Variants in VAV1 observed in about 807,000 individuals in gnomAD.
VAV1 encodes the protein proto-oncogene vav.
A neutral mutation model predicts 128.1 loss-of-function variants in VAV1; 33 were observed. The observed-to-expected ratio is 0.26, with a 90% CI of 0.20 to 0.34. The LOEUF (loss-of-function observed/expected upper bound fraction) is 0.34. Among genes scored for constraint, VAV1 ranks in the 10% least tolerant of loss-of-function variants. The pLI is 1.00. For synonymous variants in VAV1, 394 were observed against 409.8 expected (o/e 0.96, Z 0.47); for missense variants, 715 against 1,093.7 (o/e 0.65, Z 4.88).
At chr19:6,805,197 G>A (rs1053479889) in intron 1 of VAV1, among the ~76,000 whole-genome samples, 2 of 151,974 alleles carry the variant, frequency 1.3e-5, no homozygotes, top group African/African-American at 4.8e-5. Flanking sequence ...GGCCGAGGCG[G>A]ATGGATCACC....
intron 1 of VAV1, among the ~76,000 whole-genome samples, chr19:6,783,181 AAAAAAC>A (rs990710016): frequency 1.3e-5 from 2 of 152,236 alleles, no homozygotes; most frequent in Non-Finnish European, 2.9e-5. Flanking sequence ...TCCGTCTCAA[AAAAAAC>A]AAAAACAAAA....
At chr19:6,807,711 T>TA (rs1352287783) in intron 1 of VAV1, among the ~76,000 whole-genome samples, 4 of 150,992 alleles carry the variant, frequency 2.6e-5, no homozygotes, top group African/African-American at 7.3e-5. Context: ...CCCTGTCTTT[T>TA]AAAAAAAAGT....
chr19:6,804,240 G>A (rs537629979), intron 1 of VAV1, among the ~76,000 whole-genome samples: 7 of 151,050 alleles, frequency 4.6e-5, no homozygotes, highest in Non-Finnish European at 1.0e-4. Context: ...AGGCTTCTTG[G>A]TTTCACCCAA....
At chr19:6,800,783 G>A (rs1971248816) in intron 1 of VAV1, among the ~76,000 whole-genome samples, 1 of 90,646 alleles carries the variant, frequency 1.1e-5, no homozygotes, top group African/African-American at 4.0e-5. Flanking sequence ...CACCACGCCT[G>A]GCAAATTTTT....
intron 22 of VAV1, among the ~76,000 whole-genome samples, 173 bp from the exon 23 acceptor site, chr19:6,847,825 G>T (rs1781130699): frequency 6.6e-6 from 1 of 152,242 alleles, no homozygotes; most frequent in Non-Finnish European, 1.5e-5. Context: ...CCATGTCTGG[G>T]CTCCGGCCCC....
intron 1 of VAV1, among the ~76,000 whole-genome samples, chr19:6,782,491 A>C (rs1970788577): frequency 6.6e-6 from 1 of 152,164 alleles, no homozygotes; most frequent in African/African-American, 2.4e-5. Context: ...AATGAACGAG[A>C]GTCATTATTT....
intron 22 of VAV1, among the ~76,000 whole-genome samples, chr19:6,844,039 C>CT (rs1358673513): frequency 9.6e-6 from 1 of 104,468 alleles, no homozygotes; most frequent in Non-Finnish European, 1.9e-5. Flanking sequence ...TGCCCCCATA[C>CT]TTTCTTCTTT....
At chr19:6,776,436 CCATCCAT>C in intron 1 of VAV1, among the ~76,000 whole-genome samples, 2 of 62,766 alleles carry the variant, frequency 3.2e-5, no homozygotes, top group Admixed American at 1.7e-4. Context: ...ATCCATCCAT[CCATCCAT>C]CCACCCACCC....
intron 1 of VAV1, among the ~76,000 whole-genome samples, chr19:6,814,685 T>C (rs920207894): frequency 6.9e-4 from 81 of 116,858 alleles, no homozygotes; most frequent in Middle Eastern, 3.7e-3. Flanking sequence ...TCTTTCTTTC[T>C]TTCTTTCTTT....
At chr19:6,813,896 A>G (rs1214899522) in intron 1 of VAV1, among the ~76,000 whole-genome samples, 3 of 152,024 alleles carry the variant, frequency 2.0e-5, no homozygotes, top group East Asian at 1.9e-4. Context: ...TCTATAAAAA[A>G]TCTTTAAAAA....
In VAV1 at chr19:6,857,103, G is replaced by T; in HGVS notation, c.2534G>T (p.Cys845Phe). The change falls in exon 27 of 27, where the codon TGC (cysteine) becomes TTC (phenylalanine). Residue 845 changes from cysteine (C) to phenylalanine (F), a missense_variant. Cys to Phe is a radical substitution (Grantham distance 205, BLOSUM62 -2). Coordinates refer to ENST00000602142, the MANE Select transcript of VAV1 (RefSeq NM_005428.4). ...NYVEEDYSEY[C>F] Reference sequence around the variant, plus strand: ...GTGGAGGAAGATTATTCTGAATACTGCTGAGCCCTGGTGCCTTGGCAGAGA... The same window carrying T: ...GTGGAGGAAGATTATTCTGAATACTTCTGAGCCCTGGTGCCTTGGCAGAGA... 1 of 1,614,116 alleles carries T rather than the reference G, an allele frequency of 6.2e-7. No homozygotes were observed. Among genetic ancestry groups the T allele is most frequent in the Non-Finnish European group, 8.5e-7 (1 of 1,180,000 alleles).
In VAV1 at chr19:6,848,128, C is replaced by G. The variant is rs56291359; in HGVS notation, c.2129+14C>G. 224 of 1,540,778 alleles carry G rather than the reference C, an allele frequency of 1.5e-4. No individual in the cohort carries two copies. In the East Asian group the frequency reaches 2.5e-3, roughly 17 times the overall value. ...CATCAGCATTAAGTAACTCCTTTCTCCCTGACTCATACCCTTTTGGGGCCT... is the reference window on the plus strand; with the variant it reads ...CATCAGCATTAAGTAACTCCTTTCTGCCTGACTCATACCCTTTTGGGGCCT... On this transcript the variant is annotated intron_variant, in intron 23 of 26. Coordinates refer to ENST00000602142, the MANE Select transcript of VAV1 (RefSeq NM_005428.4).
At chr19:6,845,314 G>T (rs985638956) in intron 22 of VAV1, among the ~76,000 whole-genome samples, 1 of 152,190 alleles carries the variant, frequency 6.6e-6, no homozygotes, top group Admixed American at 6.6e-5. Context: ...GAACCTGGCA[G>T]GCGGAGGTTG....
chr19:6,834,164 T>A (rs573389578), intron 19 of VAV1, among the ~76,000 whole-genome samples: 12 of 151,626 alleles, frequency 7.9e-5, no homozygotes, highest in African/African-American at 1.5e-4. Flanking sequence ...TTTTTTTTTT[T>A]AAATAGAGAT....
intron 1 of VAV1, chr19:6,784,096 A>C: frequency 2.4e-6 from 1 of 420,736 alleles, no homozygotes; most frequent in Admixed American, 3.7e-5. Context: ...TCTACAAAAA[A>C]TAAAAAAATA....
intron 1 of VAV1, chr19:6,816,311 T>TCATACAGTTGTTTCTGTTTGTA (rs1971648201): frequency 6.6e-6 from 1 of 152,098 alleles, no homozygotes; most frequent in Non-Finnish European, 1.5e-5. Flanking sequence ...TGAGCCACCA[T>TCATACAGTTGTTTCTGTTTGTA]GCCCGGCTAC....
rs563069143 is a variant in VAV1, at chr19:6,779,241, G to A, written c.204+6230G>A. 2.7e-5 allele frequency among the ~76,000 whole-genome samples: 4 copies of A among 150,746 alleles called. No individual in the cohort carries two copies. The South Asian group carries it at 8.6e-4, about 32-fold the overall frequency. ...CTAATTTTTTATTTTTTGTAGAGAT[G>A]GGGTTTTGCTATGATGCCCAGGCTG... On this transcript the variant is annotated intron_variant, in intron 1 of 26. Coordinates refer to ENST00000602142, the MANE Select transcript of VAV1 (RefSeq NM_005428.4).
intron 1 of VAV1, among the ~76,000 whole-genome samples, chr19:6,810,793 T>C (rs1971497007): frequency 6.6e-6 from 1 of 152,078 alleles, no homozygotes; most frequent in Non-Finnish European, 1.5e-5. Context: ...TGCTGGGTGG[T>C]AATGGCACCA....
At position 6,828,757 on chromosome 19, in the gene VAV1, G is replaced by C. The variant is rs1316159395; in HGVS notation, c.1179+49G>C. 1 of 1,614,028 alleles carries C rather than the reference G, an allele frequency of 6.2e-7. No homozygotes were observed. Among genetic ancestry groups the C allele is most frequent in the East Asian group, 2.2e-5 (1 of 44,876 alleles). On this transcript the variant is annotated intron_variant, in intron 12 of 26. Transcript: ENST00000602142. The surrounding 1 kb of genome is among the most constrained non-coding windows in gnomAD (Gnocchi z 4.5). Reference sequence around the variant, plus strand: ...CCAGGGGTGTGGCCACGTGGGGAGAGTGTGTGTCTGGCTCCTTTCTTGGGA... The same window carrying C: ...CCAGGGGTGTGGCCACGTGGGGAGACTGTGTGTCTGGCTCCTTTCTTGGGA...
Sources: allele counts gnomAD v4.1 joint callset (sites outside exome capture counted in the v4.1 genomes callset), GRCh38; gene constraint gnomAD v4.1.1; non-coding constraint Gnocchi (gnomAD v3.1); transcripts MANE v1.5; gene names NCBI Gene and HGNC (gene_info 2026-07-23, HGNC 2026-07-21).